Variants in KIAA0586 observed in about 807,000 individuals in gnomAD.
KIAA0586 encodes the protein KIAA0586, also known as protein TALPID3.
KIAA0586 carries 144 observed loss-of-function variants against 169.8 expected under a neutral mutation model. The observed-to-expected ratio is 0.85, with a 90% CI of 0.74 to 0.97. KIAA0586 has a LOEUF of 0.97. Among genes scored for constraint, KIAA0586 ranks in the 50% least tolerant of loss-of-function variants. The pLI is 0.00. For missense variants in KIAA0586, 1,854 were observed against 1,823.0 expected (o/e 1.02, Z -0.31); for synonymous variants, 625 against 612.4 (o/e 1.02, Z -0.30).
intron 27 of KIAA0586, among the ~76,000 whole-genome samples, chr14:58,501,852 A>T (rs74056173): frequency 0.014 from 2,122 of 152,306 alleles, 55 homozygotes; most frequent in African/African-American, 0.048. Flanking sequence ...GGCAGCAAAC[A>T]TTTATTATTT....
chr14:58,498,332 T>G (rs1167911720), intron 26 of KIAA0586, among the ~76,000 whole-genome samples: 2 of 152,020 alleles, frequency 1.3e-5, no homozygotes, highest in African/African-American at 4.8e-5. Flanking sequence ...TGTGCTGTGA[T>G]GCCCAGCTAA....
chr14:58,479,635 TAGA>T (rs142240435), intron 20 of KIAA0586, among the ~76,000 whole-genome samples: 3,996 of 152,334 alleles, frequency 0.026, 69 homozygotes, highest in Non-Finnish European at 0.042. Context: ...TGTTTTCTTC[TAGA>T]AGATGTATGG....
chr14:58,470,305 A>C (rs2041108514), intron 16 of KIAA0586, among the ~76,000 whole-genome samples: 1 of 152,092 alleles, frequency 6.6e-6, no homozygotes, highest in African/African-American at 2.4e-5. Context: ...AAAAATCAAG[A>C]ATGAAAACTA....
chr14:58,542,641 T>C (rs1477606841), intron 30 of KIAA0586, among the ~76,000 whole-genome samples: 1 of 151,076 alleles, frequency 6.6e-6, no homozygotes, highest in East Asian at 1.9e-4. Flanking sequence ...CCACTCCCTC[T>C]TTTTTTCTTA....
chr14:58,524,183 G>A (rs1341778574), intron 29 of KIAA0586, among the ~76,000 whole-genome samples: 2 of 152,264 alleles, frequency 1.3e-5, no homozygotes, highest in Non-Finnish European at 1.5e-5. Flanking sequence ...CAATTCACCG[G>A]TGAGTGATCT....
At chr14:58,470,463 C>T in intron 16 of KIAA0586, 150 bp from the exon 17 acceptor site, 1 of 356,196 alleles carries the variant, frequency 2.8e-6, no homozygotes, top group Non-Finnish European at 5.0e-6. Context: ...ATTTTGTTAT[C>T]CATTGGGTTC....
chr14:58,537,227 G>T, intron 29 of KIAA0586: 1 of 1,002,824 alleles, frequency 1.0e-6, no homozygotes, highest in Non-Finnish European at 1.2e-6. Flanking sequence ...TGTGATAGTG[G>T]CTTATTTTTT....
At chr14:58,551,753 G>A (rs144007640), downstream of KIAA0586, among the ~76,000 whole-genome samples, 365 of 151,504 alleles carry the variant, frequency 2.4e-3, 1 homozygote, top group African/African-American at 8.2e-3. Context: ...GTGACAGAGT[G>A]AGACTGTCTC....
chr14:58,468,352 G>T (rs2040937807), intron 16 of KIAA0586, among the ~76,000 whole-genome samples: 3 of 152,076 alleles, frequency 2.0e-5, no homozygotes. Flanking sequence ...TGCCCCGCTG[G>T]CTCTGTTATT....
intron 18 of KIAA0586, 40 bp from the exon 19 acceptor site, chr14:58,474,567 A>G (rs777445016): frequency 1.4e-6 from 2 of 1,406,106 alleles, no homozygotes; most frequent in Non-Finnish European, 1.9e-6. Context: ...AATGTTGAAC[A>G]AATACATGAA....
rs182592547 is a variant in KIAA0586, at chr14:58,438,295, G to T, written c.411-4411G>T. Reference sequence around the variant, plus strand: ...TAATTGGAAAAAATAAAATTTAAAAGCCTATAAAGAAATTTATGTCTAGCC... The same window carrying T: ...TAATTGGAAAAAATAAAATTTAAAATCCTATAAAGAAATTTATGTCTAGCC... On this transcript the variant is annotated intron_variant, in intron 4 of 30. Transcript: ENST00000652326. Among the ~76,000 whole-genome samples, 142 of 152,170 alleles carry T rather than the reference G, an allele frequency of 9.3e-4. 1 individual carries two copies. The highest frequency in any genetic ancestry group is 3.7e-3 in the Admixed American group (57 of 15,286).
intron 20 of KIAA0586, among the ~76,000 whole-genome samples, chr14:58,480,336 C>T (rs1252105749): frequency 2.1e-5 from 2 of 95,010 alleles, no homozygotes; most frequent in Non-Finnish European, 4.1e-5. Flanking sequence ...TCTGTTAATT[C>T]TTCCTCTTTT....
chr14:58,520,691 TTTG>T (rs1261503260), intron 29 of KIAA0586, among the ~76,000 whole-genome samples: 1 of 151,938 alleles, frequency 6.6e-6, no homozygotes, highest in African/African-American at 2.4e-5. Flanking sequence ...CCCGGCTAAT[TTTG>T]TTTTCATTTT....
At chr14:58,483,936 G>A (rs2141134141) in intron 21 of KIAA0586, among the ~76,000 whole-genome samples, 1 of 152,258 alleles carries the variant, frequency 6.6e-6, no homozygotes, top group Admixed American at 6.5e-5. Flanking sequence ...TTGATCTGTA[G>A]TTTTGATCTG....
At chr14:58,500,869 G>A (rs2043521781) in intron 27 of KIAA0586, among the ~76,000 whole-genome samples, 2 of 152,150 alleles carry the variant, frequency 1.3e-5, no homozygotes, top group Admixed American at 1.3e-4. Flanking sequence ...CAGTATGAGA[G>A]CTGGAATAAG....
At chr14:58,535,805 A>T (rs995676970) in intron 29 of KIAA0586, among the ~76,000 whole-genome samples, 3 of 151,566 alleles carry the variant, frequency 2.0e-5, no homozygotes, top group Admixed American at 6.6e-5. Context: ...TAAATTCTGT[A>T]CATCGTCCCT....
intron 29 of KIAA0586, among the ~76,000 whole-genome samples, chr14:58,536,707 A>C (rs2046312977): frequency 6.6e-6 from 1 of 152,152 alleles, no homozygotes; most frequent in Non-Finnish European, 1.5e-5. Context: ...CCTTCAATTA[A>C]AGCTTTTTCA....
At chr14:58,462,823 G>A (rs1275200712) in intron 14 of KIAA0586, among the ~76,000 whole-genome samples, 1 of 152,054 alleles carries the variant, frequency 6.6e-6, no homozygotes, top group African/African-American at 2.4e-5. Context: ...CATGGCGAAG[G>A]GAAGCAAGGC....
rs76998508 is a variant in KIAA0586, at chr14:58,538,675, A to AT, written c.4430-1380dup. On this transcript the variant is annotated intron_variant, in intron 29 of 30. Transcript: ENST00000652326. Reference sequence around the variant, plus strand: ...TTACTGGGCCTAATTCATTCTTTCTATTTTTTTTTTTTTTTTAACCCATTA... The same window carrying AT: ...TTACTGGGCCTAATTCATTCTTTCTATTTTTTTTTTTTTTTTTAACCCATTA... Among the ~76,000 whole-genome samples the AT allele has an allele frequency of 5.9e-3, 794 of 133,610 alleles. 5 individuals carry two copies. Among genetic ancestry groups the AT allele is most frequent in the Admixed American group, 0.014 (187 of 13,448 alleles). 87.7% of individuals were successfully genotyped at this position (133,610 alleles called of 152,430 possible).
Sources: gnomAD v4.1 joint callset for allele counts (sites outside exome capture counted in the v4.1 genomes callset) on GRCh38, gnomAD v4.1.1 for gene constraint, MANE v1.5 for transcripts, NCBI Gene and HGNC (gene_info 2026-07-23, HGNC 2026-07-21) for gene names.